The following THSD7B variants were observed in gnomAD, a reference collection of about 807,000 sequenced individuals.
THSD7B encodes thrombospondin type 1 domain containing 7B.
A neutral mutation model predicts 213.6 loss-of-function variants in THSD7B; 138 were observed. The ratio of observed to expected loss-of-function variants is 0.65; its 90% CI spans 0.56 to 0.74. The LOEUF (loss-of-function observed/expected upper bound fraction) is 0.74. THSD7B is among the 30% of genes least tolerant of loss of function. THSD7B has a pLI of 0.00. For missense variants in THSD7B, 1,931 were observed against 1,991.5 expected (o/e 0.97, Z 0.58); for synonymous variants, 742 against 687.0 (o/e 1.08, Z -1.25).
chr2:137,642,604 C>T lies in THSD7B; in HGVS notation c.3916C>T (p.Leu1306Phe). 1.2e-6 allele frequency: 2 copies of T among 1,613,812 alleles called. No individual in the cohort carries two copies. Among genetic ancestry groups the T allele is most frequent in the Non-Finnish European group, 1.7e-6 (2 of 1,179,856 alleles). ...AGTGACCCCCTGCTACAGCTGGGTCCTTGGCAACTGGTCTGCATGTAAATT... is the reference window on the plus strand; with the variant it reads ...AGTGACCCCCTGCTACAGCTGGGTCTTTGGCAACTGGTCTGCATGTAAATT... ...CPVTPCYSWV[L>F]GNWSACKLEG... The change falls in exon 21 of 28, where the codon CTT (leucine) becomes TTT (phenylalanine). Residue 1306 changes from leucine (L) to phenylalanine (F), a missense_variant. Leu to Phe is a conservative substitution (Grantham distance 22). Transcript: ENST00000409968.
At chr2:137,531,026 C>G (rs541387462) in intron 15 of THSD7B, among the ~76,000 whole-genome samples, 8 of 152,072 alleles carry the variant, frequency 5.3e-5, no homozygotes, top group African/African-American at 1.9e-4. Flanking sequence ...TTTTCGTAGC[C>G]TACATCTTTC....
intron 3 of THSD7B, among the ~76,000 whole-genome samples, chr2:137,083,422 A>G (rs1008912021): frequency 1.4e-4 from 22 of 152,102 alleles, no homozygotes; most frequent in Admixed American, 3.9e-4. Context: ...CTCTTATTCA[A>G]ATACCTTTGT....
At chr2:136,954,764 A>T (rs1383367338) in intron 2 of THSD7B, among the ~76,000 whole-genome samples, 1 of 147,660 alleles carries the variant, frequency 6.8e-6, no homozygotes, top group Non-Finnish European at 1.5e-5. Context: ...TATACTGTTT[A>T]TCTTATTGTT....
intron 12 of THSD7B, among the ~76,000 whole-genome samples, chr2:137,325,890 A>C (rs374672120): frequency 2.8e-4 from 43 of 152,164 alleles, no homozygotes; most frequent in African/African-American, 9.7e-4. Flanking sequence ...TTGGCTTCAC[A>C]ACCCCAAACT....
At chr2:136,965,010 C>CAA (rs70975732) in intron 2 of THSD7B, among the ~76,000 whole-genome samples, 1,233 of 117,950 alleles carry the variant, frequency 0.01, 31 homozygotes, top group Admixed American at 0.046. Context: ...GACCCTGTCT[C>CAA]AAAAAAAAAA....
chr2:137,668,548 C>T (rs931986152), intron 27 of THSD7B, among the ~76,000 whole-genome samples: 57 of 151,344 alleles, frequency 3.8e-4, no homozygotes, highest in Admixed American at 3.5e-3. Context: ...AGTTGATGAA[C>T]GGCTCTTGAA....
intron 2 of THSD7B, among the ~76,000 whole-genome samples, chr2:136,955,428 T>G (rs1385919694): frequency 6.6e-6 from 1 of 152,186 alleles, no homozygotes; most frequent in Non-Finnish European, 1.5e-5. Flanking sequence ...CTACTCTGTA[T>G]AGATTCTTTC....
At chr2:136,927,397 C>A (rs900033822) in intron 2 of THSD7B, among the ~76,000 whole-genome samples, 11 of 152,138 alleles carry the variant, frequency 7.2e-5, no homozygotes, top group African/African-American at 2.4e-4. Flanking sequence ...GGTTTGAATT[C>A]CAGGCAAATT....
At chr2:137,185,802 T>C (rs1680540230) in intron 7 of THSD7B, among the ~76,000 whole-genome samples, 1 of 152,200 alleles carries the variant, frequency 6.6e-6, no homozygotes, top group Non-Finnish European at 1.5e-5. Context: ...TTAAGTTCTT[T>C]GGGAAATCTC....
intron 5 of THSD7B, among the ~76,000 whole-genome samples, chr2:137,130,601 T>C (rs1241332830): frequency 6.7e-6 from 1 of 148,424 alleles, no homozygotes; most frequent in Non-Finnish European, 1.5e-5. Flanking sequence ...ATTGTTCAAT[T>C]CCCACCTGTG....
intron 5 of THSD7B, among the ~76,000 whole-genome samples, chr2:137,127,448 A>G (rs1177526447): frequency 1.3e-5 from 2 of 152,238 alleles, no homozygotes; most frequent in Non-Finnish European, 2.9e-5. Context: ...TCAAATGTAC[A>G]TAAGTATAGA....
chr2:137,433,634 A>C (rs900180486), intron 14 of THSD7B, among the ~76,000 whole-genome samples: 1 of 152,164 alleles, frequency 6.6e-6, no homozygotes, highest in Non-Finnish European at 1.5e-5. Context: ...GATTACAGGC[A>C]TGAGCCTCCG....
chr2:137,537,258 T>A (rs1257607095), intron 15 of THSD7B, among the ~76,000 whole-genome samples: 3 of 151,816 alleles, frequency 2.0e-5, no homozygotes, highest in African/African-American at 7.2e-5. Flanking sequence ...TAAATTCTGA[T>A]GTAATTATGT....
intron 12 of THSD7B, among the ~76,000 whole-genome samples, chr2:137,297,242 C>T (rs577437301): frequency 6.7e-6 from 1 of 148,910 alleles, no homozygotes; most frequent in Non-Finnish European, 1.5e-5. Context: ...TATGATCGCA[C>T]CACTATTCTC....
chr2:136,998,141 C>T (rs899334826), intron 2 of THSD7B, among the ~76,000 whole-genome samples: 7 of 151,392 alleles, frequency 4.6e-5, no homozygotes, highest in African/African-American at 1.7e-4. Context: ...CTTTTTGCTA[C>T]TCTTAGGATG....
intron 5 of THSD7B, among the ~76,000 whole-genome samples, chr2:137,129,135 A>C (rs1307828618): frequency 2.6e-5 from 4 of 152,142 alleles, no homozygotes; most frequent in African/African-American, 9.7e-5. Context: ...TTTTATAAAG[A>C]AGAAGATAAT....
At chr2:137,115,791 A>G (rs1688438845) in intron 5 of THSD7B, among the ~76,000 whole-genome samples, 1 of 152,190 alleles carries the variant, frequency 6.6e-6, no homozygotes, top group Admixed American at 6.5e-5. Context: ...CTTTCTCCAT[A>G]ATAAGCTCTC....
chr2:137,574,583 T>A (rs1359568703), intron 17 of THSD7B, among the ~76,000 whole-genome samples: 2 of 152,154 alleles, frequency 1.3e-5, no homozygotes, highest in African/African-American at 4.8e-5. Context: ...GATGTAACAC[T>A]TGTCCATGGC....
At chr2:137,584,970 C>CT (rs906242751) in intron 17 of THSD7B, among the ~76,000 whole-genome samples, 23 of 151,332 alleles carry the variant, frequency 1.5e-4, no homozygotes, top group African/African-American at 4.1e-4. Context: ...TGGTCCTGGA[C>CT]TTTTTTTTTA....
Sources: allele counts gnomAD v4.1 joint callset (sites outside exome capture counted in the v4.1 genomes callset), GRCh38; gene constraint gnomAD v4.1.1; transcripts MANE v1.5; gene names NCBI Gene and HGNC (gene_info 2026-07-23, HGNC 2026-07-21).